Variants in NTM observed in about 807,000 individuals in gnomAD.
The protein encoded by NTM is neurotrimin.
In NTM, 13 loss-of-function variants were observed where a neutral mutation model predicts 42.1. The observed-to-expected ratio is 0.31, with a 90% CI of 0.20 to 0.49. The LOEUF (loss-of-function observed/expected upper bound fraction) is 0.49, where lower values mean the gene tolerates loss of function less well. NTM is among the 20% of genes least tolerant of loss of function. The pLI, the probability that NTM is intolerant of heterozygous loss-of-function variation, is 0.99. For missense variants in NTM, 373 were observed against 452.8 expected (o/e 0.82, Z 1.60); for synonymous variants, 187 against 179.2 (o/e 1.04, Z -0.35).
rs533770952 is a variant in NTM, at chr11:132,260,991, G to C, written c.527-46698G>C. On this transcript the variant is annotated intron_variant, in intron 4 of 8. Coordinates refer to ENST00000683400, the MANE Select transcript of NTM (RefSeq NM_001352005.2). ...GATGTGAAATGGGGTCATGGAAAGA[G>C]AGCATGCTTAGGAGTCGAAGGATTT... is the stretch of plus-strand genomic sequence containing the variant. Among the ~76,000 whole-genome samples the C allele has an allele frequency of 2.0e-5, 3 of 152,344 alleles. No homozygotes were observed. In the South Asian group the frequency reaches 6.2e-4, roughly 32 times the overall value.
chr11:132,164,988 G>C (rs1046259842), intron 3 of NTM, among the ~76,000 whole-genome samples: 2 of 151,946 alleles, frequency 1.3e-5, no homozygotes, highest in Non-Finnish European at 2.9e-5. Context: ...TTTATTCTCA[G>C]CTCCCCCTCC....
At chr11:131,415,242 G>T (rs1474590622) in intron 1 of NTM, among the ~76,000 whole-genome samples, 3 of 152,072 alleles carry the variant, frequency 2.0e-5, no homozygotes, top group African/African-American at 4.8e-5. Context: ...GAATCTCCTC[G>T]CAGTGCCCAA....
intron 4 of NTM, 115 bp from the exon 5 acceptor site, chr11:132,307,574 C>A: frequency 6.9e-7 from 1 of 1,440,210 alleles, no homozygotes; most frequent in Non-Finnish European, 9.4e-7. Context: ...AGAATCTGAA[C>A]TTACAACTGG....
At chr11:132,073,997 G>C (rs2058041626) in intron 2 of NTM, among the ~76,000 whole-genome samples, 1 of 152,180 alleles carries the variant, frequency 6.6e-6, no homozygotes, top group African/African-American at 2.4e-5. Context: ...GTGCTAACAG[G>C]CTGCTCTCAC....
chr11:131,833,472 C>G (rs2043080769), intron 1 of NTM, among the ~76,000 whole-genome samples: 1 of 152,124 alleles, frequency 6.6e-6, no homozygotes, highest in African/African-American at 2.4e-5. Flanking sequence ...GTTTATATGC[C>G]TTCCCTAAGG....
chr11:132,040,757 A>G (rs1431391437), intron 2 of NTM, among the ~76,000 whole-genome samples: 1 of 152,226 alleles, frequency 6.6e-6, no homozygotes, highest in Non-Finnish European at 1.5e-5. Flanking sequence ...TTGCTGAAGC[A>G]TAACTTCTGT....
chr11:131,525,475 G>C (rs143476773), intron 1 of NTM, among the ~76,000 whole-genome samples: 2,551 of 152,270 alleles, frequency 0.017, 73 homozygotes, highest in African/African-American at 0.057. Flanking sequence ...CTGTGCAGGG[G>C]CCACACCAGC....
At chr11:132,195,701 T>C (rs555625126) in intron 3 of NTM, among the ~76,000 whole-genome samples, 53 of 152,276 alleles carry the variant, frequency 3.5e-4, no homozygotes, top group Non-Finnish European at 2.4e-4. Context: ...TAACAAGCAA[T>C]GGGAAAAGGA....
chr11:132,138,863 C>T (rs1475489271), intron 2 of NTM, among the ~76,000 whole-genome samples: 1 of 152,188 alleles, frequency 6.6e-6, no homozygotes, highest in Non-Finnish European at 1.5e-5. Flanking sequence ...TGCTGATCAT[C>T]TCTTCTAGAA....
At chr11:131,424,888 TA>T (rs1947961453) in intron 1 of NTM, among the ~76,000 whole-genome samples, 1 of 143,360 alleles carries the variant, frequency 7.0e-6, no homozygotes, top group African/African-American at 2.6e-5. Flanking sequence ...TTTATTTTTT[TA>T]TTTTTTTTGA....
At chr11:131,827,590 C>G (rs928406806) in intron 1 of NTM, among the ~76,000 whole-genome samples, 3 of 152,148 alleles carry the variant, frequency 2.0e-5, no homozygotes. Flanking sequence ...ATGTTTTGTC[C>G]AAAACCTGAA....
rs571471327 is a variant in NTM at position 132,102,695 on chromosome 11, C to T, written c.168-43587C>T. On this transcript the variant is annotated intron_variant, in intron 2 of 8. Coordinates refer to ENST00000683400, the MANE Select transcript of NTM (RefSeq NM_001352005.2). The stretch of plus-strand genomic sequence containing the variant: ...TTGGTCTTCCTAATGGAATTTCCCT[C>T]TGCCCCACTTTGTAGTACAGATCAC... 2.0e-5 allele frequency among the ~76,000 whole-genome samples: 3 copies of T among 152,342 alleles called. No individual in the cohort carries two copies. The East Asian group carries it at 5.8e-4, about 29-fold the overall frequency.
At chr11:131,630,365 C>A (rs78430868) in intron 1 of NTM, among the ~76,000 whole-genome samples, 8,346 of 152,194 alleles carry the variant, frequency 0.055, 579 homozygotes, top group African/African-American at 0.17. Flanking sequence ...CTAATCCTAG[C>A]TTCAAAGATT....
chr11:132,136,004 C>T (rs1335486252), intron 2 of NTM, among the ~76,000 whole-genome samples: 1 of 152,180 alleles, frequency 6.6e-6, no homozygotes, highest in African/African-American at 2.4e-5. Context: ...ACCTTTTCTG[C>T]ACTTAATTAC....
At chr11:132,194,580 CA>C (rs2079870691) in intron 3 of NTM, among the ~76,000 whole-genome samples, 1 of 152,078 alleles carries the variant, frequency 6.6e-6, no homozygotes, top group South Asian at 2.1e-4. Context: ...CCACTCTCAC[CA>C]GACCTATGTA....
chr11:132,323,299 A>T (rs2136310252), intron 7 of NTM, among the ~76,000 whole-genome samples: 1 of 152,114 alleles, frequency 6.6e-6, no homozygotes, highest in Non-Finnish European at 1.5e-5. Context: ...TAATAAAGAA[A>T]AAAAGAAGAA....
At chr11:132,104,578 C>T (rs961322712) in intron 2 of NTM, among the ~76,000 whole-genome samples, 41 of 141,972 alleles carry the variant, frequency 2.9e-4, no homozygotes, top group Non-Finnish European at 5.5e-4. Context: ...ATAGTGGGAC[C>T]CCCCCCCACC....
At chr11:131,466,158 T>G (rs1951862448) in intron 1 of NTM, among the ~76,000 whole-genome samples, 1 of 152,134 alleles carries the variant, frequency 6.6e-6, no homozygotes, top group South Asian at 2.1e-4. Flanking sequence ...CCAAGGATTG[T>G]GCCCGTCGAA....
At chr11:132,310,034 CCACAAGAG>C (rs1189987910) in intron 5 of NTM, 70 bp from the exon 6 acceptor site, 2 of 1,471,812 alleles carry the variant, frequency 1.4e-6, no homozygotes, top group Non-Finnish European at 1.8e-6. Context: ...CCAGCCTGAG[CCACAAGAG>C]CAAGACTCCA....
Sources: allele counts gnomAD v4.1 joint callset (sites outside exome capture counted in the v4.1 genomes callset), GRCh38; gene constraint gnomAD v4.1.1; transcripts MANE v1.5; gene names NCBI Gene and HGNC (gene_info 2026-07-23, HGNC 2026-07-21).